Variants in TPP2 observed in about 807,000 individuals in gnomAD.
TPP2 encodes the protein tripeptidyl-peptidase 2.
In TPP2, 34 loss-of-function variants were observed where a neutral mutation model predicts 155.9. That is an observed-to-expected ratio of 0.22 (90% CI 0.17 to 0.29). The LOEUF (loss-of-function observed/expected upper bound fraction) is 0.29. Among genes scored for constraint, TPP2 ranks in the 10% least tolerant of loss-of-function variants. The pLI is 1.00. For missense variants in TPP2, 1,028 were observed against 1,522.3 expected (o/e 0.68, Z 5.40); for synonymous variants, 510 against 529.4 (o/e 0.96, Z 0.50).
chr13:102,647,407 G>A (rs1883182517), intron 21 of TPP2, 63 bp downstream of exon 21: 2 of 1,548,024 alleles, frequency 1.3e-6, no homozygotes, highest in East Asian at 2.3e-5. Flanking sequence ...ACAAAATCCT[G>A]GTTTCTTGTT....
At position 102,661,396 on chromosome 13, in the gene TPP2, G is replaced by A. The variant is rs564302471; in HGVS notation, c.3144-2252G>A. On this transcript the variant is annotated intron_variant, in intron 25 of 29. Coordinates refer to ENST00000376052, the MANE Select transcript of TPP2 (RefSeq NM_001330588.2). ...CTCCCAAGTAGCTAGGACTACAAGT[G>A]CACGCCACCACCCCCAGCTTATTTT... Among the ~76,000 whole-genome samples the A allele has an allele frequency of 1.1e-4, 16 of 151,644 alleles. No individual in the cohort carries two copies. In the South Asian group the frequency reaches 2.7e-3, roughly 26 times the overall value.
chr13:102,627,591 C>G (rs555200611), intron 7 of TPP2, among the ~76,000 whole-genome samples: 2 of 151,338 alleles, frequency 1.3e-5, no homozygotes, highest in African/African-American at 4.8e-5. Flanking sequence ...ACCTCTGTCC[C>G]CCTCTAACCC....
intron 24 of TPP2, among the ~76,000 whole-genome samples, chr13:102,653,705 T>C (rs1477983875): frequency 6.6e-6 from 1 of 152,206 alleles, no homozygotes. Flanking sequence ...CTGAATATTG[T>C]CACTTTTAAC....
rs948385653 is a variant in TPP2, at chr13:102,605,738, T to C, written c.294+817T>C. Among the ~76,000 whole-genome samples the C allele has an allele frequency of 4.6e-5, 7 of 151,728 alleles. No individual in the cohort carries two copies. The East Asian group carries it at 5.8e-4, about 13-fold the overall frequency. On this transcript the variant is annotated intron_variant, in intron 2 of 29. Transcript: ENST00000376052. Reference sequence around the variant, plus strand: ...TAAACTTCTTTTTTTCTTTTTTTTTTCGAGACATAGAGTCTTGCTCCGTTG... The same window carrying C: ...TAAACTTCTTTTTTTCTTTTTTTTTCCGAGACATAGAGTCTTGCTCCGTTG...
chr13:102,607,712 G>A (rs1439055435), intron 2 of TPP2: 4 of 433,864 alleles, frequency 9.2e-6, no homozygotes, highest in East Asian at 7.8e-5. Flanking sequence ...TCAGCCTCCC[G>A]AGTAGCTGGG....
intron 14 of TPP2, among the ~76,000 whole-genome samples, chr13:102,637,699 C>T (rs1397732124): frequency 1.3e-5 from 2 of 152,114 alleles, no homozygotes; most frequent in Admixed American, 6.5e-5. Flanking sequence ...TAGTGGCGTG[C>T]ACCACCAAGC....
chr13:102,661,360 C>G (rs1454065209), intron 25 of TPP2, among the ~76,000 whole-genome samples: 10 of 149,350 alleles, frequency 6.7e-5, no homozygotes, highest in Non-Finnish European at 1.5e-4. Flanking sequence ...AAGGGATCTT[C>G]CCACTTCAGC....
chr13:102,603,426 T>A (rs932787686), intron 1 of TPP2, among the ~76,000 whole-genome samples: 2 of 152,154 alleles, frequency 1.3e-5, no homozygotes, highest in Non-Finnish European at 2.9e-5. Context: ...AAGGAGGTCA[T>A]CGAGGAGGCC....
At chr13:102,649,771 G>A (rs1454562408) in intron 23 of TPP2, among the ~76,000 whole-genome samples, 1 of 152,080 alleles carries the variant, frequency 6.6e-6, no homozygotes, top group Non-Finnish European at 1.5e-5. Flanking sequence ...TGAACTTCCT[G>A]TGAAACATGT....
In TPP2 at chr13:102,597,003, G is replaced by T. The variant is rs1415497179; in HGVS notation, c.-36G>T. 1.2e-6 allele frequency: 2 copies of T among 1,604,066 alleles called. No homozygotes were observed. Among genetic ancestry groups the T allele is most frequent in the Admixed American group, 3.3e-5 (2 of 59,704 alleles). On this transcript the variant is annotated 5_prime_UTR_variant, in exon 1 of 30. Transcript: ENST00000376052. ...GCGCTGCTAGTCCGCGCGCAGCCTG[G>T]CAGTTTGCCGCTTCCTCGTCCTCCA...
intron 27 of TPP2, among the ~76,000 whole-genome samples, chr13:102,673,962 C>T (rs1035157021): frequency 6.6e-6 from 1 of 152,128 alleles, no homozygotes; most frequent in Non-Finnish European, 1.5e-5. Context: ...ACTCAAAAGT[C>T]GTTTACCTGA....
In TPP2 at chr13:102,635,567, T is replaced by A. The variant is rs774976271; in HGVS notation, c.1394-20T>A. 1.3e-6 allele frequency: 2 copies of A among 1,591,602 alleles called. No homozygotes were observed. The highest frequency in any genetic ancestry group is 2.2e-5 in the South Asian group (2 of 90,610). ...CAGATAGTGAGTGCTACACTACTTGTTTTTGTTTCTTAATTTTAGGTCTGA... is the reference window on the plus strand; with the variant it reads ...CAGATAGTGAGTGCTACACTACTTGATTTTGTTTCTTAATTTTAGGTCTGA... On this transcript the variant is annotated intron_variant, in intron 11 of 29. Coordinates refer to ENST00000376052, the MANE Select transcript of TPP2 (RefSeq NM_001330588.2).
intron 1 of TPP2, among the ~76,000 whole-genome samples, chr13:102,600,874 C>G (rs1489327883): frequency 6.6e-6 from 1 of 151,618 alleles, no homozygotes; most frequent in Non-Finnish European, 1.5e-5. Context: ...TAGATAGTGT[C>G]CTAACCTCTT....
chr13:102,629,423 T>C (rs943880798), intron 8 of TPP2, 59 bp from the exon 9 acceptor site: 276 of 1,425,346 alleles, frequency 1.9e-4, no homozygotes, highest in Admixed American at 7.9e-4. Context: ...GTTTTGGTAC[T>C]ATATACACTT....
At chr13:102,627,609 T>C (rs1434198786) in intron 7 of TPP2, among the ~76,000 whole-genome samples, 5 of 151,520 alleles carry the variant, frequency 3.3e-5, no homozygotes, top group Admixed American at 6.6e-5. Context: ...CCCCACTCTT[T>C]TCTAGAAATG....
At chr13:102,658,765 G>T (rs979357184) in intron 25 of TPP2, among the ~76,000 whole-genome samples, 23 of 152,120 alleles carry the variant, frequency 1.5e-4, no homozygotes, top group Non-Finnish European at 2.6e-4. Context: ...GCTCCTGGGG[G>T]AGGGAAGGCT....
At chr13:102,613,872 T>C (rs548040082) in intron 2 of TPP2, among the ~76,000 whole-genome samples, 2 of 152,342 alleles carry the variant, frequency 1.3e-5, no homozygotes, top group African/African-American at 4.8e-5. Flanking sequence ...CCATGAAGCA[T>C]TGTATAAATG....
chr13:102,607,116 A>C (rs1017912423), intron 2 of TPP2, among the ~76,000 whole-genome samples: 10 of 152,212 alleles, frequency 6.6e-5, no homozygotes, highest in Admixed American at 6.5e-5. Context: ...ACCTATGCTC[A>C]ACCATGCTGG....
chr13:102,626,771 G>T, intron 6 of TPP2: 1 of 297,904 alleles, frequency 3.4e-6, no homozygotes, highest in Non-Finnish European at 6.1e-6. Context: ...TGTTTGAAGG[G>T]GGGATTCTCC....
Sources: gnomAD v4.1 joint callset for allele counts (sites outside exome capture counted in the v4.1 genomes callset) on GRCh38, gnomAD v4.1.1 for gene constraint, MANE v1.5 for transcripts, NCBI Gene and HGNC (gene_info 2026-07-23, HGNC 2026-07-21) for gene names.